Variants in FHIT observed in about 807,000 individuals in gnomAD.
FHIT encodes fragile histidine triad diadenosine triphosphatase.
A neutral mutation model predicts 17.9 loss-of-function variants in FHIT; 19 were observed. The ratio of observed to expected loss-of-function variants is 1.06; its 90% confidence interval spans 0.74 to 1.56. FHIT has a LOEUF of 1.56. Ranked by LOEUF, FHIT falls within the 40% of genes most tolerant of loss-of-function variation. The probability of loss-of-function intolerance (pLI) is 0.00; values close to 1 mark genes in which losing one functional copy is unlikely to be tolerated. For missense variants in FHIT, 248 were observed against 189.2 expected (o/e 1.31, Z -1.82); for synonymous variants, 81 against 69.7 (o/e 1.16, Z -0.81).
intron 8 of FHIT, among the ~76,000 whole-genome samples, chr3:59,796,113 T>C (rs572094711): frequency 6.6e-6 from 1 of 152,284 alleles, no homozygotes; most frequent in South Asian, 2.1e-4. Flanking sequence ...CTCCCTAATT[T>C]GCTTTCAAGA....
intron 5 of FHIT, among the ~76,000 whole-genome samples, chr3:60,319,118 A>G (rs1444093391): frequency 6.6e-6 from 1 of 152,100 alleles, no homozygotes; most frequent in Non-Finnish European, 1.5e-5. Context: ...ACCTGATCAC[A>G]TCTGCAAAGT....
At chr3:60,674,959 C>T (rs1278659462) in intron 4 of FHIT, among the ~76,000 whole-genome samples, 3 of 152,172 alleles carry the variant, frequency 2.0e-5, no homozygotes, top group African/African-American at 7.2e-5. Flanking sequence ...CCCTCAGCAG[C>T]AACAAAGTAC....
rs540343605 is a variant in FHIT at position 60,543,873 on chromosome 3, T to C, written c.-17-6894A>G. On this transcript the variant is annotated intron_variant, in intron 4 of 9. Coordinates refer to ENST00000492590, the MANE Select transcript of FHIT (RefSeq NM_002012.4). ...GATTCTCCTGCCTCAGCCTCCAGAGTAGCTGGGACTACAAGCGCCCGCACC... is the reference window on the plus strand; with the variant it reads ...GATTCTCCTGCCTCAGCCTCCAGAGCAGCTGGGACTACAAGCGCCCGCACC... 1.5e-4 allele frequency among the ~76,000 whole-genome samples: 21 copies of C among 140,728 alleles called. No homozygotes were observed. In the East Asian group the frequency reaches 4.5e-3, roughly 30 times the overall value. 92.3% of individuals were successfully genotyped at this position (140,728 alleles called of 152,430 possible).
intron 5 of FHIT, among the ~76,000 whole-genome samples, chr3:60,028,718 G>A (rs1041439146): frequency 1.3e-5 from 2 of 152,164 alleles, no homozygotes; most frequent in Non-Finnish European, 2.9e-5. Context: ...CTTTGGGAAT[G>A]CCAATTGCGC....
chr3:59,790,316 A>G (rs1025274540), intron 8 of FHIT, among the ~76,000 whole-genome samples: 3 of 152,192 alleles, frequency 2.0e-5, no homozygotes, highest in Non-Finnish European at 2.9e-5. Flanking sequence ...CATAGATACA[A>G]TGGTTTAAGG....
At chr3:60,524,497 A>G (rs1276870185) in intron 5 of FHIT, among the ~76,000 whole-genome samples, 1 of 152,144 alleles carries the variant, frequency 6.6e-6, no homozygotes, top group Non-Finnish European at 1.5e-5. Context: ...ACAACAAGGA[A>G]TCTAGTGTGG....
intron 5 of FHIT, among the ~76,000 whole-genome samples, chr3:60,358,405 A>C (rs557864412): frequency 1.3e-5 from 2 of 152,310 alleles, no homozygotes; most frequent in South Asian, 2.1e-4. Context: ...AGAATGAAGG[A>C]AGATGAGGAA....
At chr3:59,793,601 C>T (rs1379947184) in intron 8 of FHIT, among the ~76,000 whole-genome samples, 1 of 152,074 alleles carries the variant, frequency 6.6e-6, no homozygotes, top group Non-Finnish European at 1.5e-5. Context: ...TCAGTCCTTG[C>T]GAGAATTCAA....
At chr3:60,349,621 C>T (rs1710979598) in intron 5 of FHIT, among the ~76,000 whole-genome samples, 1 of 152,036 alleles carries the variant, frequency 6.6e-6, no homozygotes, top group East Asian at 1.9e-4. Flanking sequence ...ATATACAAGC[C>T]TCCAAAGATA....
chr3:60,494,535 C>T (rs566682002), intron 5 of FHIT, among the ~76,000 whole-genome samples: 10 of 152,006 alleles, frequency 6.6e-5, no homozygotes, highest in Admixed American at 1.3e-4. Flanking sequence ...ACAGTCACTC[C>T]GTTGCGCTAT....
intron 2 of FHIT, among the ~76,000 whole-genome samples, chr3:61,093,934 T>C (rs1213352212): frequency 6.6e-6 from 1 of 152,172 alleles, no homozygotes; most frequent in Non-Finnish European, 1.5e-5. Flanking sequence ...ACACTGGAAA[T>C]ACTTGAAAGG....
intron 8 of FHIT, among the ~76,000 whole-genome samples, chr3:59,910,604 G>C (rs1467974642): frequency 6.6e-6 from 1 of 152,018 alleles, no homozygotes; most frequent in Non-Finnish European, 1.5e-5. Flanking sequence ...GAGTTATTAG[G>C]TATGTTCATT....
intron 4 of FHIT, among the ~76,000 whole-genome samples, chr3:60,817,170 A>G (rs1701769096): frequency 6.6e-6 from 1 of 152,054 alleles, no homozygotes; most frequent in African/African-American, 2.4e-5. Flanking sequence ...TCCATTCTTT[A>G]TGCTATAAAG....
intron 3 of FHIT, among the ~76,000 whole-genome samples, chr3:60,924,888 C>A (rs566628802): frequency 1.3e-5 from 2 of 151,976 alleles, no homozygotes; most frequent in East Asian, 1.9e-4. Flanking sequence ...CTGAAAACCA[C>A]GGCACCAGAA....
chr3:59,889,219 A>G (rs637820), intron 8 of FHIT, among the ~76,000 whole-genome samples: 146,742 of 152,320 alleles, frequency 0.96, 70,725 homozygotes, highest in East Asian at 1. Context: ...TTGGGCACTG[A>G]CCAATAAAAA....
intron 7 of FHIT, among the ~76,000 whole-genome samples, chr3:59,983,114 T>C (rs757226396): frequency 1.3e-5 from 2 of 151,950 alleles, no homozygotes; most frequent in African/African-American, 4.8e-5. Flanking sequence ...AATATTTGTA[T>C]TTTTTGTAGA....
rs549997419 is a variant in FHIT at position 61,035,523 on chromosome 3, T to C, written c.-111+6524A>G. Among the ~76,000 whole-genome samples the C allele has an allele frequency of 5.3e-5, 8 of 152,324 alleles. No homozygotes were observed. In the South Asian group the frequency reaches 1.0e-3, roughly 20 times the overall value. On this transcript the variant is annotated intron_variant, in intron 3 of 9. Transcript: ENST00000492590. ...CAGAATTAGTTTCTGTTGTTTGCAATCACATAACTTTAATTGATATGGTAC... is the reference window on the plus strand; with the variant it reads ...CAGAATTAGTTTCTGTTGTTTGCAACCACATAACTTTAATTGATATGGTAC...
At chr3:60,246,020 T>C (rs1324119646) in intron 5 of FHIT, among the ~76,000 whole-genome samples, 8 of 152,110 alleles carry the variant, frequency 5.3e-5, no homozygotes, top group Admixed American at 5.2e-4. Flanking sequence ...TAAAGTAAAC[T>C]GTTTAATTCC....
intron 5 of FHIT, among the ~76,000 whole-genome samples, chr3:60,185,730 C>G (rs1436468716): frequency 1.3e-5 from 2 of 152,168 alleles, no homozygotes; most frequent in Non-Finnish European, 2.9e-5. Flanking sequence ...ATTTTACATT[C>G]TCATAAGCAA....
Sources: allele counts gnomAD v4.1 joint callset (sites outside exome capture counted in the v4.1 genomes callset), GRCh38; gene constraint gnomAD v4.1.1; transcripts MANE v1.5; gene names NCBI Gene and HGNC (gene_info 2026-07-23, HGNC 2026-07-21).